The following TLL2 variants were observed in gnomAD, a reference collection of about 807,000 sequenced individuals.
TLL2 encodes tolloid-like protein 2.
In TLL2, 106 loss-of-function variants were observed where a neutral mutation model predicts 123.0. The ratio of observed to expected loss-of-function variants is 0.86; its 90% CI spans 0.74 to 1.01. The LOEUF (loss-of-function observed/expected upper bound fraction) is 1.01, where lower values mean the gene tolerates loss of function less well. TLL2 is among the 50% of genes least tolerant of loss of function. The probability of loss-of-function intolerance (pLI) is 0.00; values close to 1 mark genes in which losing one functional copy is unlikely to be tolerated. For synonymous variants in TLL2, 494 were observed against 516.8 expected, an observed-to-expected ratio of 0.96 and a Z score of 0.60; for missense variants, 1,332 against 1,336.7, an observed-to-expected ratio of 1.00 and a Z score of 0.06.
At chr10:96,383,787 ATTTT>A (rs56007977) in intron 16 of TLL2, among the ~76,000 whole-genome samples, 7 of 137,438 alleles carry the variant, frequency 5.1e-5, no homozygotes, top group Non-Finnish European at 7.8e-5. Context: ...CGCCCGGCTA[ATTTT>A]TTTTTTTTTT....
At chr10:96,460,475 T>G (rs1013301936) in intron 2 of TLL2, among the ~76,000 whole-genome samples, 1 of 152,154 alleles carries the variant, frequency 6.6e-6, no homozygotes, top group Non-Finnish European at 1.5e-5. Context: ...AAATCTCATG[T>G]CAAATTGTAA....
At chr10:96,473,672 C>T (rs1011971332) in intron 2 of TLL2, among the ~76,000 whole-genome samples, 9 of 152,224 alleles carry the variant, frequency 5.9e-5, no homozygotes, top group East Asian at 1.9e-4. Flanking sequence ...ATAGATGAGG[C>T]GGGAAACATC....
At chr10:96,509,085 C>CAG (rs1446536732) in intron 1 of TLL2, among the ~76,000 whole-genome samples, 2 of 152,110 alleles carry the variant, frequency 1.3e-5, no homozygotes, top group East Asian at 3.9e-4. Context: ...ATGGAGAAGC[C>CAG]ACCTATAAGT....
In TLL2 at chr10:96,378,975, C is replaced by T; in HGVS notation, c.2312G>A (p.Cys771Tyr). The change falls in exon 17 of 21, where the codon TGC (cysteine) becomes TAC (tyrosine). Residue 771 changes from cysteine to tyrosine, a missense_variant. By Grantham distance (194) the Cys-to-Tyr change is radical (BLOSUM62 -2). Transcript: ENST00000357947. ...TGGAGGTCCAGCCTCACCCTCTTTG[C>T]AGTCATGCCCATTCTCGTGGAGCCA... ...GYWLHENGHD[C>Y]KEAGCAHKIS... 1.2e-6 allele frequency: 2 copies of T among 1,614,122 alleles called. No individual in the cohort carries two copies. The highest frequency in any genetic ancestry group is 1.7e-6 in the Non-Finnish European group (2 of 1,179,982).
chr10:96,446,490 C>T (rs142911612), intron 2 of TLL2, among the ~76,000 whole-genome samples: 2 of 136,910 alleles, frequency 1.5e-5, no homozygotes, highest in East Asian at 2.9e-4. Context: ...AGCTTCCTCA[C>T]GCGCCCCCCA....
At chr10:96,373,083 T>C (rs1167128508) in intron 19 of TLL2, 1 of 152,856 alleles carries the variant, frequency 6.5e-6, no homozygotes, top group Non-Finnish European at 1.5e-5. Context: ...TCAAATTGCG[T>C]CAATTAAGGA....
At chr10:96,475,792 C>A (rs141266110) in intron 2 of TLL2, among the ~76,000 whole-genome samples, 1 of 152,124 alleles carries the variant, frequency 6.6e-6, no homozygotes, top group African/African-American at 2.4e-5. Flanking sequence ...TTACAGCTCC[C>A]GTAATTCCAA....
At chr10:96,491,253 G>A (rs542266299) in intron 1 of TLL2, among the ~76,000 whole-genome samples, 79 of 152,028 alleles carry the variant, frequency 5.2e-4, no homozygotes, top group Non-Finnish European at 1.1e-3. Flanking sequence ...GTGGTGGCGG[G>A]CATCTGTAAT....
At chr10:96,412,392 C>T (rs72829540) in intron 8 of TLL2, among the ~76,000 whole-genome samples, 2,665 of 152,208 alleles carry the variant, frequency 0.018, 34 homozygotes, top group Non-Finnish European at 0.026. Flanking sequence ...CTCCTAAAAC[C>T]ACTGAAATGG....
At chr10:96,386,872 G>C in intron 14 of TLL2, 81 bp downstream of exon 14, 1 of 1,582,642 alleles carries the variant, frequency 6.3e-7, no homozygotes, top group East Asian at 2.3e-5. Flanking sequence ...ACAGCCAGCT[G>C]GTTGCCCCAT....
At chr10:96,390,033 G>GAGGCCA (rs761334413) in intron 13 of TLL2, among the ~76,000 whole-genome samples, 3 of 152,268 alleles carry the variant, frequency 2.0e-5, no homozygotes, top group Non-Finnish European at 2.9e-5. Flanking sequence ...CTGGGCTGCA[G>GAGGCCA]AGGCCAAGGC....
At chr10:96,397,113 G>C in intron 11 of TLL2, 73 bp downstream of exon 11, 1 of 1,373,424 alleles carries the variant, frequency 7.3e-7, no homozygotes, top group South Asian at 1.3e-5. Flanking sequence ...GGCTGGGAGA[G>C]GGACAGTGGG....
chr10:96,482,187 G>A (rs1009802682), intron 1 of TLL2, among the ~76,000 whole-genome samples: 7 of 152,010 alleles, frequency 4.6e-5, no homozygotes, highest in Non-Finnish European at 1.0e-4. Context: ...GAACCCGGGC[G>A]GCGGAGCTTG....
At chr10:96,416,543 G>C (rs1846563781) in intron 7 of TLL2, among the ~76,000 whole-genome samples, 1 of 152,214 alleles carries the variant, frequency 6.6e-6, no homozygotes, top group Non-Finnish European at 1.5e-5. Context: ...GGCAGGCCAG[G>C]AGCTCACCTC....
rs1172869409 is a variant in TLL2, at chr10:96,373,800, C to T, written c.2458G>A (p.Glu820Lys). The change falls in exon 19 of 21, where the codon GAG becomes AAG. Residue 820 changes from glutamate (E) to lysine (K), a missense_variant. Coordinates refer to ENST00000357947, the MANE Select transcript of TLL2 (RefSeq NM_012465.4). ...TCCTGGTGCTGCTCGATCTCAAACT[C>T]ATTAAAGGTCTGGGGACAGAAGAGC... The part of the protein sequence containing the change: ...AGHRVKLTFN[E>K]FEIEQHQECA... The T allele has an allele frequency of 6.2e-7, 1 of 1,613,548 alleles. No homozygotes were observed.
intron 2 of TLL2, among the ~76,000 whole-genome samples, chr10:96,456,393 G>A (rs1450888011): frequency 3.9e-5 from 6 of 152,148 alleles, no homozygotes; most frequent in Non-Finnish European, 7.3e-5. Context: ...GGGCCTCTGA[G>A]GAAGAGGAGA....
chr10:96,399,526 G>C (rs931642470), intron 10 of TLL2, among the ~76,000 whole-genome samples: 3 of 152,268 alleles, frequency 2.0e-5, no homozygotes, highest in East Asian at 3.9e-4. Flanking sequence ...TGGAATTGGG[G>C]AGATTAATAT....
Position 96,370,226 on chromosome 10 carries a change from G to A in TLL2, c.2752C>T (p.Arg918Cys). The A allele has an allele frequency of 6.2e-7, 1 of 1,613,832 alleles. No individual in the cohort carries two copies. Among genetic ancestry groups the A allele is most frequent in the Non-Finnish European group, 8.5e-7 (1 of 1,179,836 alleles). ...FGDNNYPSEARCDWVIVAEDG... is the reference protein window; with the variant it reads ...FGDNNYPSEACCDWVIVAEDG... Reference sequence around the variant, plus strand: ...TCTGCCACGATCACCCAGTCACAGCGGGCCTCGCTCGGGTAGTTGTTGTCC... The same window carrying A: ...TCTGCCACGATCACCCAGTCACAGCAGGCCTCGCTCGGGTAGTTGTTGTCC... The change falls in exon 20 of 21, where the codon CGC (arginine) becomes TGC (cysteine). Residue 918 changes from arginine to cysteine, a missense_variant. Physicochemically the swap from Arg to Cys is radical, Grantham distance 180 (BLOSUM62 -3). Coordinates refer to ENST00000357947, the MANE Select transcript of TLL2 (RefSeq NM_012465.4).
At chr10:96,472,648 G>A (rs1250710915) in intron 2 of TLL2, among the ~76,000 whole-genome samples, 2 of 152,074 alleles carry the variant, frequency 1.3e-5, no homozygotes, top group Non-Finnish European at 2.9e-5. Flanking sequence ...TGTGGTTCCA[G>A]CTACTCAGGA....
Sources: gnomAD v4.1 joint callset for allele counts (sites outside exome capture counted in the v4.1 genomes callset) on GRCh38, gnomAD v4.1.1 for gene constraint, MANE v1.5 for transcripts, NCBI Gene and HGNC (gene_info 2026-07-23, HGNC 2026-07-21) for gene names.